Variants in FUT8 observed in about 807,000 individuals in gnomAD.
FUT8 encodes the protein alpha-(1,6)-fucosyltransferase.
Under a neutral mutation model 71.3 loss-of-function variants are expected in FUT8, and 29 were observed. The observed-to-expected ratio is 0.41, with a 90% confidence interval of 0.30 to 0.55. The LOEUF (loss-of-function observed/expected upper bound fraction) is 0.55. Ranked by LOEUF, FUT8 falls within the 20% of genes least tolerant of loss-of-function variation. The probability of loss-of-function intolerance (pLI) is 0.34; values close to 1 mark genes in which losing one functional copy is unlikely to be tolerated. For missense variants in FUT8, 544 were observed against 702.1 expected (o/e 0.77, Z 2.55); for synonymous variants, 254 against 239.3 (o/e 1.06, Z -0.57).
At chr14:65,468,215 C>T in intron 2 of FUT8, 1 of 627,746 alleles carries the variant, frequency 1.6e-6, no homozygotes, top group Admixed American at 1.8e-5. Flanking sequence ...GTACCCATTC[C>T]CTTGATGTCT....
chr14:65,457,498 CA>C (rs1308612202), intron 2 of FUT8, among the ~76,000 whole-genome samples: 2 of 152,112 alleles, frequency 1.3e-5, no homozygotes, highest in African/African-American at 4.8e-5. Flanking sequence ...GAGCTGCAGA[CA>C]AAACCTCTCA....
At chr14:65,649,392 TGTGA>T (rs1376586418) in intron 6 of FUT8, among the ~76,000 whole-genome samples, 3 of 152,234 alleles carry the variant, frequency 2.0e-5, no homozygotes. Flanking sequence ...TTGCTGAGTT[TGTGA>T]GTATCAGGGA....
At chr14:65,508,897 T>A (rs1882145952) in intron 2 of FUT8, among the ~76,000 whole-genome samples, 1 of 152,198 alleles carries the variant, frequency 6.6e-6, no homozygotes, top group African/African-American at 2.4e-5. Context: ...GTTGCTTGTT[T>A]ACTTTGCTGT....
chr14:65,742,080 A>G lies in FUT8; in HGVS notation c.1411-13A>G. On this transcript the variant is annotated splice_polypyrimidine_tract_variant and intron_variant, in intron 10 of 10. Transcript: ENST00000673929. ...TTTATATACTAACAATTTCTTTTAA[A>G]TTCTTTCCCAAGGTCTGTCGAGTTG... The G allele has an allele frequency of 6.2e-7, 1 of 1,604,174 alleles. No homozygotes were observed. The highest frequency in any genetic ancestry group is 8.5e-7 in the Non-Finnish European group (1 of 1,173,960).
intron 2 of FUT8, among the ~76,000 whole-genome samples, chr14:65,541,278 A>T (rs951164865): frequency 4.6e-5 from 7 of 152,224 alleles, no homozygotes; most frequent in South Asian, 4.1e-4. Context: ...GGGTATAAAT[A>T]AATAGATACA....
chr14:65,653,615 A>G (rs1295794145), intron 6 of FUT8, among the ~76,000 whole-genome samples: 1 of 152,234 alleles, frequency 6.6e-6, no homozygotes, highest in Non-Finnish European at 1.5e-5. Context: ...GAGAGCAGCC[A>G]GAGAGAAGCA....
At chr14:65,740,782 C>G (rs939464693) in intron 10 of FUT8, among the ~76,000 whole-genome samples, 2 of 151,944 alleles carry the variant, frequency 1.3e-5, no homozygotes, top group Non-Finnish European at 2.9e-5. Flanking sequence ...CCCCATGATC[C>G]AATCACCTCC....
At chr14:65,392,149 C>T in the FUT8 span, among the ~76,000 whole-genome samples, 1 of 152,118 alleles carries the variant, frequency 6.6e-6, no homozygotes, top group African/African-American at 2.4e-5. Context: ...TCAGGCTGGT[C>T]TCAAACTCCC....
chr14:65,388,878 T>C, the FUT8 span, among the ~76,000 whole-genome samples: 6 of 152,152 alleles, frequency 3.9e-5, no homozygotes, highest in African/African-American at 1.4e-4. Flanking sequence ...TATGCGTTAA[T>C]ATGGAATAGT....
chr14:65,480,063 CAT>C (rs1217755782), intron 2 of FUT8, among the ~76,000 whole-genome samples: 1 of 152,036 alleles, frequency 6.6e-6, no homozygotes, highest in Non-Finnish European at 1.5e-5. Context: ...TTAATGACCA[CAT>C]GTTTGGATTT....
chr14:65,514,746 T>G (rs138786901), intron 2 of FUT8, among the ~76,000 whole-genome samples: 2 of 152,314 alleles, frequency 1.3e-5, no homozygotes, highest in Admixed American at 1.3e-4. Context: ...AGGGTACATG[T>G]GCACATAGTG....
chr14:65,508,647 C>T (rs953665436), intron 2 of FUT8, among the ~76,000 whole-genome samples: 1 of 151,440 alleles, frequency 6.6e-6, no homozygotes, highest in South Asian at 2.1e-4. Flanking sequence ...ATTACAGGTG[C>T]CTGCCACCAC....
rs1200254586 is a variant in FUT8, at chr14:65,455,736, A to G, written c.-228+18A>G. 1.3e-5 allele frequency: 5 copies of G among 398,066 alleles called. No homozygotes were observed. The highest frequency in any genetic ancestry group is 2.1e-5 in the African/African-American group (1 of 48,586). 24.7% of individuals were successfully genotyped at this position (398,066 alleles called of 1,614,324 possible). On this transcript the variant is annotated intron_variant, in intron 2 of 10. Transcript: ENST00000673929. ...AAATTCAGGTTAGTGTATTTTGTGGACAGCACTTCCCTGTTCTAATTATAT... is the reference window on the plus strand; with the variant it reads ...AAATTCAGGTTAGTGTATTTTGTGGGCAGCACTTCCCTGTTCTAATTATAT...
chr14:65,487,210 C>T (rs569950864), intron 2 of FUT8, among the ~76,000 whole-genome samples: 1 of 152,068 alleles, frequency 6.6e-6, no homozygotes, highest in Admixed American at 6.6e-5. Context: ...AAGGATAGCT[C>T]TCAGAGGAGG....
At chr14:65,573,731 T>G (rs1025228704) in intron 3 of FUT8, among the ~76,000 whole-genome samples, 2 of 143,280 alleles carry the variant, frequency 1.4e-5, no homozygotes, top group African/African-American at 5.1e-5. Flanking sequence ...GAGACCCCCA[T>G]GTCTAAAAAA....
chr14:65,732,887 C>T (rs1487261866), intron 9 of FUT8, among the ~76,000 whole-genome samples: 4 of 152,122 alleles, frequency 2.6e-5, no homozygotes, highest in Non-Finnish European at 5.9e-5. Context: ...AGGAAAAGCT[C>T]AGTGACCAAA....
intron 2 of FUT8, among the ~76,000 whole-genome samples, chr14:65,511,341 A>G (rs534572439): frequency 1.3e-5 from 2 of 152,172 alleles, no homozygotes; most frequent in East Asian, 1.9e-4. Context: ...CATATGGTCT[A>G]TCCTTGAGAA....
chr14:65,439,954 G>GTGTGTATATATATATATA lies in FUT8; in HGVS notation c.-325-15666_-325-15665insGTGTATATATATATATAT. ...ATAAAGAAAATGTGTGTGTGTGTGT[G>GTGTGTATATATATATATA]TATATATATATATATATATATATAT... On this transcript the variant is annotated intron_variant, in intron 1 of 10. Transcript: ENST00000673929. Among the ~76,000 whole-genome samples, 102 of 74,928 alleles carry GTGTGTATATATATATATA rather than the reference G, an allele frequency of 1.4e-3. 1 individual carries two copies. Among genetic ancestry groups the GTGTGTATATATATATATA allele is most frequent in the South Asian group, 6.5e-3 (11 of 1,684 alleles). The allele number at this position is 74,928 out of a possible 152,430, so 49.2% of individuals were successfully genotyped here. A position where few individuals can be genotyped will look rare whatever the true frequency, so the allele number is the denominator to read the frequency against.
intron 7 of FUT8, among the ~76,000 whole-genome samples, chr14:65,686,223 T>A (rs553283827): frequency 3.4e-4 from 52 of 152,338 alleles, no homozygotes; most frequent in Middle Eastern, 3.4e-3. Flanking sequence ...CTTGGCCTTT[T>A]TGGCAGCTGG....
Sources: gnomAD v4.1 joint callset for allele counts (sites outside exome capture counted in the v4.1 genomes callset) on GRCh38, gnomAD v4.1.1 for gene constraint, MANE v1.5 for transcripts, NCBI Gene and HGNC (gene_info 2026-07-23, HGNC 2026-07-21) for gene names.